Variants in LTBP1 observed in about 807,000 individuals in gnomAD.
LTBP1 encodes the protein latent transforming growth factor beta binding protein 1, also known as latent-transforming growth factor beta-binding protein 1.
Under a neutral mutation model 207.6 loss-of-function variants are expected in LTBP1, and 129 were observed. The observed-to-expected ratio is 0.62, with a 90% CI of 0.54 to 0.72. LTBP1 has a LOEUF of 0.72. Ranked by LOEUF, LTBP1 falls within the 30% of genes least tolerant of loss-of-function variation. The pLI, the probability that LTBP1 is intolerant of heterozygous loss-of-function variation, is 0.00. For synonymous variants in LTBP1, 963 were observed against 833.7 expected (o/e 1.16, Z -2.67); for missense variants, 2,281 against 2,217.2 (o/e 1.03, Z -0.58).
At chr2:33,272,979 G>A (rs1251660896) in intron 15 of LTBP1, among the ~76,000 whole-genome samples, 1 of 152,076 alleles carries the variant, frequency 6.6e-6, no homozygotes. Context: ...AGGATATATA[G>A]AAGAAGCCAG....
In LTBP1 at chr2:33,336,844, C is replaced by T. The variant is rs142343282; in HGVS notation, c.3731-5994C>T. Among the ~76,000 whole-genome samples the T allele has an allele frequency of 3.6e-3, 549 of 152,224 alleles. 3 individuals carry two copies. The highest frequency in any genetic ancestry group is 0.013 in the African/African-American group (527 of 41,538). On this transcript the variant is annotated intron_variant, in intron 24 of 33. Transcript: ENST00000404816. ...CTGAAGAATATATCTGAAAAAAGAG[C>T]ACCAAATCATTTTACTAATGAAATA... is the stretch of plus-strand genomic sequence containing the variant.
At chr2:33,354,681 TATACAC>T (rs1269190496) in intron 26 of LTBP1, among the ~76,000 whole-genome samples, 1 of 109,484 alleles carries the variant, frequency 9.1e-6, no homozygotes, top group African/African-American at 3.6e-5. Flanking sequence ...AAACTAAAAC[TATACAC>T]ACACACACAC....
At chr2:33,087,554 C>T (rs1233991670) in intron 3 of LTBP1, among the ~76,000 whole-genome samples, 1 of 152,108 alleles carries the variant, frequency 6.6e-6, no homozygotes, top group African/African-American at 2.4e-5. Flanking sequence ...ATAAATCAGT[C>T]TTAGACCTGA....
intron 10 of LTBP1, among the ~76,000 whole-genome samples, chr2:33,248,817 C>T (rs2092589037): frequency 6.6e-6 from 1 of 152,130 alleles, no homozygotes; most frequent in African/African-American, 2.4e-5. Context: ...GAACTCCTAA[C>T]CTCACGTGAT....
intron 3 of LTBP1, among the ~76,000 whole-genome samples, chr2:33,036,721 G>C (rs1470316375): frequency 6.6e-6 from 1 of 152,182 alleles, no homozygotes; most frequent in Non-Finnish European, 1.5e-5. Context: ...TCTTCCCAAA[G>C]TGCTGGGATT....
intron 3 of LTBP1, among the ~76,000 whole-genome samples, chr2:33,088,393 G>T (rs931901863): frequency 2.0e-5 from 3 of 151,960 alleles, no homozygotes; most frequent in African/African-American, 7.3e-5. Context: ...CGGAGGTTGC[G>T]GTGAGCCGAG....
chr2:33,271,175 T>C (rs1313593475), intron 15 of LTBP1, among the ~76,000 whole-genome samples: 1 of 152,240 alleles, frequency 6.6e-6, no homozygotes, highest in East Asian at 1.9e-4. Context: ...TACTTGGTAA[T>C]CACCAAATTG....
intron 5 of LTBP1, among the ~76,000 whole-genome samples, chr2:33,156,133 T>C (rs554020335): frequency 1.3e-4 from 20 of 152,290 alleles, no homozygotes; most frequent in African/African-American, 4.8e-4. Flanking sequence ...GTGATCAGGA[T>C]GTATAATCAT....
At chr2:33,332,129 G>A (rs2094500572) in intron 24 of LTBP1, among the ~76,000 whole-genome samples, 1 of 151,892 alleles carries the variant, frequency 6.6e-6, no homozygotes, top group African/African-American at 2.4e-5. Context: ...TCACTCAAAT[G>A]TTTATTCCTG....
chr2:33,150,807 C>T (rs2083466644), intron 5 of LTBP1, among the ~76,000 whole-genome samples: 1 of 139,982 alleles, frequency 7.1e-6, no homozygotes, highest in African/African-American at 2.7e-5. Flanking sequence ...CGGAGGTTGG[C>T]TCACTGCAAC....
intron 3 of LTBP1, among the ~76,000 whole-genome samples, chr2:33,098,336 T>C (rs2079511024): frequency 6.6e-6 from 1 of 152,204 alleles, no homozygotes. Flanking sequence ...TATCACTTTG[T>C]GGGAAACTTC....
intron 24 of LTBP1, among the ~76,000 whole-genome samples, chr2:33,327,996 A>G (rs1209578438): frequency 6.6e-6 from 1 of 151,844 alleles, no homozygotes; most frequent in East Asian, 1.9e-4. Context: ...TTAGCCAGGC[A>G]TGATGGCACA....
chr2:33,314,073 A>G (rs1472225144), intron 23 of LTBP1, among the ~76,000 whole-genome samples: 2 of 152,194 alleles, frequency 1.3e-5, no homozygotes, highest in African/African-American at 4.8e-5. Context: ...GGGGAGCACA[A>G]TTACACTGAG....
At chr2:33,096,148 T>C (rs2079376384) in intron 3 of LTBP1, among the ~76,000 whole-genome samples, 1 of 152,102 alleles carries the variant, frequency 6.6e-6, no homozygotes, top group South Asian at 2.1e-4. Flanking sequence ...ATAAGACATA[T>C]TACATAGATT....
intron 3 of LTBP1, among the ~76,000 whole-genome samples, chr2:33,109,662 A>G (rs547836352): frequency 5.3e-5 from 8 of 152,336 alleles, no homozygotes; most frequent in African/African-American, 1.9e-4. Context: ...TGAGAGTATA[A>G]TTATAAAACA....
At chr2:33,320,916 C>T (rs1335727171) in intron 24 of LTBP1, among the ~76,000 whole-genome samples, 4 of 152,082 alleles carry the variant, frequency 2.6e-5, no homozygotes, top group Admixed American at 6.6e-5. Flanking sequence ...CCTAAAACTG[C>T]TCTTAAAGTC....
intron 26 of LTBP1, among the ~76,000 whole-genome samples, chr2:33,354,709 CA>C (rs1559058092): frequency 1.5e-5 from 2 of 131,748 alleles, no homozygotes; most frequent in Non-Finnish European, 3.6e-5. Flanking sequence ...CACACACACA[CA>C]CACACACACA....
intron 22 of LTBP1, among the ~76,000 whole-genome samples, chr2:33,303,356 T>TTC (rs1331584025): frequency 6.7e-6 from 1 of 149,926 alleles, no homozygotes; most frequent in Non-Finnish European, 1.5e-5. Flanking sequence ...GATTTTCTTT[T>TTC]TTTTTTTTTT....
At chr2:33,011,798 A>G (rs1205067302) in intron 2 of LTBP1, among the ~76,000 whole-genome samples, 1 of 152,038 alleles carries the variant, frequency 6.6e-6, no homozygotes. Flanking sequence ...ATTTAAGAAT[A>G]TATTATAATT....
Sources: allele counts gnomAD v4.1 joint callset (sites outside exome capture counted in the v4.1 genomes callset), GRCh38; gene constraint gnomAD v4.1.1; transcripts MANE v1.5; gene names NCBI Gene and HGNC (gene_info 2026-07-23, HGNC 2026-07-21).